Variants in LRRFIP1 observed in about 807,000 individuals in gnomAD.
LRRFIP1 encodes the protein leucine-rich repeat flightless-interacting protein 1.
A neutral mutation model predicts 104.4 loss-of-function variants in LRRFIP1; 62 were observed. The observed-to-expected ratio is 0.59, with a 90% CI of 0.48 to 0.73. The LOEUF is 0.73. Among genes scored for constraint, LRRFIP1 ranks in the 30% least tolerant of loss-of-function variants. LRRFIP1 has a pLI of 0.00. For synonymous variants in LRRFIP1, 300 were observed against 299.0 expected (o/e 1.00, Z -0.03); for missense variants, 796 against 824.5 (o/e 0.97, Z 0.42).
intron 8 of LRRFIP1, 119 bp from the exon 9 acceptor site, chr2:237,733,655 T>C: frequency 4.2e-6 from 4 of 960,320 alleles, no homozygotes; most frequent in Non-Finnish European, 6.6e-6. Flanking sequence ...TGTTTCTGTT[T>C]AACCACTGTA....
In LRRFIP1 at chr2:237,700,537, G is replaced by A. The variant is rs543016923; in HGVS notation, c.97-8007G>A. Among the ~76,000 whole-genome samples, 61 of 152,318 alleles carry A rather than the reference G, an allele frequency of 4.0e-4. 2 individuals are homozygous for A. In the South Asian group the frequency reaches 9.5e-3, roughly 24 times the overall value. On this transcript the variant is annotated intron_variant, in intron 1 of 23. Transcript: ENST00000308482. ...CTGCTTGACGCTAAAACCTGGAGGC[G>A]AAAATGAATGTGTGTAATTAATAGG...
At chr2:237,712,852 A>G (rs528359955) in intron 2 of LRRFIP1, among the ~76,000 whole-genome samples, 2 of 152,304 alleles carry the variant, frequency 1.3e-5, no homozygotes, top group African/African-American at 2.4e-5. Context: ...AGAACCAGCT[A>G]ACATAATTTG....
intron 1 of LRRFIP1, among the ~76,000 whole-genome samples, chr2:237,644,586 C>T (rs1006729800): frequency 2.6e-5 from 4 of 152,150 alleles, no homozygotes; most frequent in Admixed American, 6.5e-5. Flanking sequence ...GTTGGTGATG[C>T]GTTTTGTGAA....
At chr2:237,726,409 C>G (rs539811004) in intron 7 of LRRFIP1, among the ~76,000 whole-genome samples, 1 of 152,182 alleles carries the variant, frequency 6.6e-6, no homozygotes, top group East Asian at 1.9e-4. Context: ...CAGCACCCGT[C>G]CCCCGGATAA....
Position 237,661,536 on chromosome 2 carries a change from C to T in LRRFIP1, c.96+33796C>T, listed in dbSNP as rs1355621798. Among the ~76,000 whole-genome samples the T allele has an allele frequency of 6.6e-6, 1 of 152,240 alleles. No homozygotes were observed. The highest frequency in any genetic ancestry group is 1.5e-5 in the Non-Finnish European group (1 of 68,034). ...CACCTCGCTCTCGGCCCCTGGTTCA[C>T]CTTCTGTTCCTGCCCAGGGCAAACT... is the stretch of plus-strand genomic sequence containing the variant. On this transcript the variant is annotated intron_variant, in intron 1 of 23. Transcript: ENST00000308482. The surrounding 1 kb of genome is among the most constrained non-coding windows in gnomAD (Gnocchi z 4.4).
At chr2:237,777,517 G>A (rs1163505443) in intron 23 of LRRFIP1, among the ~76,000 whole-genome samples, 6 of 152,146 alleles carry the variant, frequency 3.9e-5, no homozygotes, top group South Asian at 4.2e-4. Context: ...TGATTATAGC[G>A]ATTATGCCAC....
intron 1 of LRRFIP1, among the ~76,000 whole-genome samples, chr2:237,697,479 G>A (rs964067638): frequency 1.3e-5 from 2 of 152,122 alleles, no homozygotes; most frequent in Admixed American, 1.3e-4. Context: ...TTATTTTTCT[G>A]GGTATGATGT....
At chr2:237,743,422 T>A (rs1014432070) in intron 11 of LRRFIP1, among the ~76,000 whole-genome samples, 2 of 152,088 alleles carry the variant, frequency 1.3e-5, no homozygotes, top group African/African-American at 4.8e-5. Flanking sequence ...AGACTTCAAG[T>A]TTTCTCCACC....
At chr2:237,639,278 A>T (rs1435068627) in intron 1 of LRRFIP1, among the ~76,000 whole-genome samples, 1 of 152,230 alleles carries the variant, frequency 6.6e-6, no homozygotes, top group African/African-American at 2.4e-5. Flanking sequence ...AGGGACACAG[A>T]CGGCCCTTGG....
chr2:237,757,589 C>G, intron 17 of LRRFIP1, 41 bp downstream of exon 17: 3 of 1,439,592 alleles, frequency 2.1e-6, no homozygotes, highest in South Asian at 1.2e-5. Context: ...AAATGGGCAG[C>G]CTGCTTAGCA....
chr2:237,674,266 T>C (rs1238852638), intron 1 of LRRFIP1, among the ~76,000 whole-genome samples: 1 of 152,106 alleles, frequency 6.6e-6, no homozygotes, highest in Non-Finnish European at 1.5e-5. Context: ...TGGTGGGGTA[T>C]TACAGGAAAG....
intron 1 of LRRFIP1, among the ~76,000 whole-genome samples, chr2:237,704,639 C>T (rs899219563): frequency 2.6e-5 from 4 of 152,206 alleles, no homozygotes; most frequent in African/African-American, 9.7e-5. Flanking sequence ...TAAGTTGCCA[C>T]TTCCGGTATT....
chr2:237,749,744 A>T (rs2058349776), intron 13 of LRRFIP1, among the ~76,000 whole-genome samples: 1 of 152,174 alleles, frequency 6.6e-6, no homozygotes, highest in South Asian at 2.1e-4. Flanking sequence ...TTCGGCCTAG[A>T]ACTTGCCCTT....
intron 15 of LRRFIP1, among the ~76,000 whole-genome samples, chr2:237,754,552 G>T (rs556816867): frequency 4.6e-5 from 7 of 151,068 alleles, no homozygotes; most frequent in Non-Finnish European, 1.0e-4. Flanking sequence ...AACAGAAAAT[G>T]TAATGTGTGA....
At chr2:237,771,678 C>T (rs961013762) in intron 20 of LRRFIP1, among the ~76,000 whole-genome samples, 16 of 151,958 alleles carry the variant, frequency 1.1e-4, no homozygotes, top group African/African-American at 3.9e-4. Flanking sequence ...ACACCTGCAG[C>T]TGGCCTGGAC....
Position 237,719,544 on chromosome 2 carries a change from C to T in LRRFIP1, c.271C>T (p.Arg91Cys), listed in dbSNP as rs375809493. ...QWMEDSERYS[R>C]RSRRNTSASD... ...TTAGGAAGACAGTGAGCGCTACTCT[C>T]GTAGATCCAGAAGAAACACATCGGT... Residue 91 changes from arginine to cysteine, a missense_variant, in exon 5 of 24, where the codon CGT becomes TGT. Coordinates refer to ENST00000308482, the MANE Select transcript of LRRFIP1 (RefSeq NM_001137550.2). The T allele has an allele frequency of 1.4e-5, 23 of 1,613,282 alleles. No homozygotes were observed. The highest frequency in any genetic ancestry group is 8.3e-5 in the Admixed American group (5 of 59,956).
chr2:237,658,410 C>A (rs1257250536), intron 1 of LRRFIP1, among the ~76,000 whole-genome samples: 1 of 152,168 alleles, frequency 6.6e-6, no homozygotes, highest in African/African-American at 2.4e-5. Flanking sequence ...AATAGAATTT[C>A]TTTTGGTACC....
Position 237,779,493 on chromosome 2 carries a change from A to C in LRRFIP1, c.1884A>C (p.Lys628Asn). 5 of 1,613,748 alleles carry C rather than the reference A, an allele frequency of 3.1e-6. No homozygotes were observed. Among genetic ancestry groups the C allele is most frequent in the Non-Finnish European group, 4.2e-6 (5 of 1,179,720 alleles). ...SNGHLVKRLEKMKANRSALLS... is the reference protein window; with the variant it reads ...SNGHLVKRLENMKANRSALLS... ...GCCACTTAGTGAAGCGTCTGGAAAAAATGAAAGCAAATCGGAGTGCACTCT... is the reference window on the plus strand; with the variant it reads ...GCCACTTAGTGAAGCGTCTGGAAAACATGAAAGCAAATCGGAGTGCACTCT... Residue 628 changes from lysine to asparagine, a missense_variant, in exon 24 of 24, where the codon AAA (lysine) becomes AAC (asparagine). By Grantham distance (94) the Lys-to-Asn change is moderately conservative. Coordinates refer to ENST00000308482, the MANE Select transcript of LRRFIP1 (RefSeq NM_001137550.2).
chr2:237,760,408 A>G (rs2059736387), intron 19 of LRRFIP1, among the ~76,000 whole-genome samples: 3 of 152,226 alleles, frequency 2.0e-5, no homozygotes, highest in Admixed American at 2.0e-4. Flanking sequence ...TGTGTAGTGC[A>G]CCATCAATGG....
Sources: allele counts gnomAD v4.1 joint callset (sites outside exome capture counted in the v4.1 genomes callset), GRCh38; gene constraint gnomAD v4.1.1; non-coding constraint Gnocchi (gnomAD v3.1); transcripts MANE v1.5; gene names NCBI Gene and HGNC (gene_info 2026-07-23, HGNC 2026-07-21).